TNR: variants seen among roughly 807,000 people sequenced by gnomAD.
The protein encoded by TNR is tenascin R, also known as tenascin-R.
A neutral mutation model predicts 150.4 loss-of-function variants in TNR; 45 were observed. That is an observed-to-expected ratio of 0.30 (90% CI 0.24 to 0.38). TNR has a LOEUF of 0.38. Among genes scored for constraint, TNR ranks in the 10% least tolerant of loss-of-function variants. TNR has a pLI of 1.00. For synonymous variants in TNR, 687 were observed against 678.4 expected (o/e 1.01, Z -0.20); for missense variants, 1,544 against 1,759.1 (o/e 0.88, Z 2.19).
At chr1:175,378,472 A>G (rs1429287038) in intron 9 of TNR, among the ~76,000 whole-genome samples, 3 of 152,228 alleles carry the variant, frequency 2.0e-5, no homozygotes, top group Non-Finnish European at 4.4e-5. Context: ...AGGAGTGCTA[A>G]GAAGTGAATG....
intron 2 of TNR, among the ~76,000 whole-genome samples, chr1:175,508,290 T>A (rs1659036111): frequency 6.6e-6 from 1 of 152,076 alleles, no homozygotes; most frequent in African/African-American, 2.4e-5. Flanking sequence ...AATAAATAAA[T>A]AAATAGACTG....
At chr1:175,385,944 C>A in intron 8 of TNR, 88 bp downstream of exon 8, 1 of 1,449,858 alleles carries the variant, frequency 6.9e-7, no homozygotes, top group Non-Finnish European at 9.3e-7. Context: ...TTGCCTCATT[C>A]CTAATACTCC....
chr1:175,412,300 C>T (rs1422651385), intron 2 of TNR, among the ~76,000 whole-genome samples: 1 of 152,198 alleles, frequency 6.6e-6, no homozygotes, highest in East Asian at 1.9e-4. Flanking sequence ...CAAGTCAACA[C>T]TCTTCTCCCC....
chr1:175,561,811 G>A (rs550188921), intron 1 of TNR, among the ~76,000 whole-genome samples: 8 of 152,330 alleles, frequency 5.3e-5, no homozygotes, highest in Non-Finnish European at 1.2e-4. Flanking sequence ...GGCTTGGTAT[G>A]TATAATGTTG....
intron 1 of TNR, among the ~76,000 whole-genome samples, chr1:175,602,203 CAAAAAAA>C (rs57341654): frequency 2.9e-4 from 9 of 30,562 alleles, no homozygotes; most frequent in Non-Finnish European, 5.0e-4. Flanking sequence ...GGACCAAAGG[CAAAAAAA>C]AAAAAAAAAA....
chr1:175,382,531 T>C (rs1394713396), intron 8 of TNR, among the ~76,000 whole-genome samples: 1 of 152,234 alleles, frequency 6.6e-6, no homozygotes, highest in African/African-American at 2.4e-5. Context: ...GCTTGAACTG[T>C]TGGGACTTGG....
chr1:175,335,568 C>A (rs936687799), intron 20 of TNR, 143 bp downstream of exon 20: 2 of 737,908 alleles, frequency 2.7e-6, no homozygotes, highest in Admixed American at 2.5e-5. Context: ...CTAAACAGAG[C>A]AAGAGGTTCT....
At chr1:175,574,960 G>A (rs1025846731) in intron 1 of TNR, among the ~76,000 whole-genome samples, 2 of 152,244 alleles carry the variant, frequency 1.3e-5, no homozygotes, top group African/African-American at 4.8e-5. Context: ...CAAAACAGAT[G>A]TAGCACATTC....
intron 1 of TNR, among the ~76,000 whole-genome samples, chr1:175,540,484 C>T (rs57620525): frequency 1.3e-5 from 2 of 152,104 alleles, no homozygotes; most frequent in Non-Finnish European, 2.9e-5. Flanking sequence ...ATTCTTATGG[C>T]TAAGGAAAGG....
At chr1:175,449,597 G>A (rs183740348) in intron 2 of TNR, among the ~76,000 whole-genome samples, 74 of 152,302 alleles carry the variant, frequency 4.9e-4, no homozygotes, top group African/African-American at 1.7e-3. Flanking sequence ...CCCTGGAAAG[G>A]CGTTAGTAAA....
At chr1:175,363,870 G>A in intron 12 of TNR, 43 bp from the exon 13 acceptor site, 1 of 1,574,354 alleles carries the variant, frequency 6.4e-7, no homozygotes, top group Non-Finnish European at 8.6e-7. Flanking sequence ...AGAAAGCACA[G>A]TGTGAAAAAG....
At chr1:175,667,246 C>T (rs972608141) in intron 1 of TNR, among the ~76,000 whole-genome samples, 2 of 152,216 alleles carry the variant, frequency 1.3e-5, no homozygotes, top group Non-Finnish European at 2.9e-5. Context: ...ACTTTGCACA[C>T]GTGGTCTGCT....
intron 2 of TNR, among the ~76,000 whole-genome samples, chr1:175,456,149 G>C (rs574118982): frequency 1.9e-4 from 29 of 152,222 alleles, no homozygotes; most frequent in African/African-American, 6.7e-4. Context: ...GAATACGCCA[G>C]GCAAGTTTCT....
chr1:175,414,865 T>A (rs1480410969), intron 2 of TNR, among the ~76,000 whole-genome samples: 1 of 152,122 alleles, frequency 6.6e-6, no homozygotes, highest in Non-Finnish European at 1.5e-5. Context: ...CTTTGAGCTT[T>A]TTTCTTTTCT....
At chr1:175,335,547 C>T in intron 20 of TNR, 164 bp downstream of exon 20, 1 of 639,102 alleles carries the variant, frequency 1.6e-6, no homozygotes, top group Non-Finnish European at 2.8e-6. Context: ...AAAAACAGAT[C>T]AATAGTGAAG....
intron 2 of TNR, among the ~76,000 whole-genome samples, chr1:175,510,151 C>A (rs556325845): frequency 9.4e-4 from 143 of 152,100 alleles, no homozygotes; most frequent in Non-Finnish European, 1.5e-3. Flanking sequence ...ATCACTTGAG[C>A]CCAGGAGGTC....
intron 1 of TNR, among the ~76,000 whole-genome samples, chr1:175,583,646 C>G (rs546921326): frequency 2.6e-5 from 4 of 152,124 alleles, no homozygotes; most frequent in African/African-American, 7.2e-5. Flanking sequence ...GTGGAAACAA[C>G]CTTAGTGGAA....
intron 1 of TNR, among the ~76,000 whole-genome samples, chr1:175,630,404 G>A (rs1664290010): frequency 6.6e-6 from 1 of 152,174 alleles, no homozygotes; most frequent in African/African-American, 2.4e-5. Flanking sequence ...AAACAATTAT[G>A]TTGTTCAGTT....
intron 5 of TNR, among the ~76,000 whole-genome samples, chr1:175,396,162 A>T (rs1388146625): frequency 6.6e-6 from 1 of 152,216 alleles, no homozygotes; most frequent in East Asian, 1.9e-4. Flanking sequence ...ACCATTTAGC[A>T]CTTGCTTCTT....
Sources: gnomAD v4.1 joint callset for allele counts (sites outside exome capture counted in the v4.1 genomes callset) on GRCh38, gnomAD v4.1.1 for gene constraint, MANE v1.5 for transcripts, NCBI Gene and HGNC (gene_info 2026-07-23, HGNC 2026-07-21) for gene names.